Variants in TNIK observed in about 807,000 individuals in gnomAD.
TNIK encodes the protein TRAF2 and NCK-interacting protein kinase.
In TNIK, 49 loss-of-function variants were observed where a neutral mutation model predicts 191.3. The ratio of observed to expected loss-of-function variants is 0.26; its 90% CI spans 0.20 to 0.32. TNIK has a LOEUF of 0.32. Ranked by LOEUF, TNIK falls within the 10% of genes least tolerant of loss-of-function variation. The probability of loss-of-function intolerance (pLI) is 1.00; values close to 1 mark genes in which losing one functional copy is unlikely to be tolerated. For missense variants in TNIK, 1,155 were observed against 1,702.3 expected (o/e 0.68, Z 5.66); for synonymous variants, 594 against 600.9 (o/e 0.99, Z 0.17).
intron 25 of TNIK, among the ~76,000 whole-genome samples, chr3:171,084,754 A>G (rs1302312237): frequency 6.6e-6 from 1 of 152,206 alleles, no homozygotes; most frequent in Non-Finnish European, 1.5e-5. Flanking sequence ...GCACACACCT[A>G]GAACTCAACA....
intron 27 of TNIK, among the ~76,000 whole-genome samples, chr3:171,080,888 C>T (rs371698868): frequency 8.5e-4 from 130 of 152,258 alleles, no homozygotes; most frequent in African/African-American, 3.0e-3. Flanking sequence ...AGGATGGACA[C>T]GAGAGCCAGT....
intron 1 of TNIK, among the ~76,000 whole-genome samples, chr3:171,388,817 T>C (rs1719072680): frequency 6.6e-6 from 1 of 152,238 alleles, no homozygotes; most frequent in South Asian, 2.1e-4. Context: ...ACTATAGCAC[T>C]TGCCATGTAT....
chr3:171,196,925 T>TG, intron 4 of TNIK, among the ~76,000 whole-genome samples: 1 of 151,980 alleles, frequency 6.6e-6, no homozygotes, highest in South Asian at 2.1e-4. Flanking sequence ...CGGCTAATTT[T>TG]TTTGTATTTT....
At chr3:171,333,104 G>T (rs556996474) in intron 2 of TNIK, among the ~76,000 whole-genome samples, 30 of 152,170 alleles carry the variant, frequency 2.0e-4, no homozygotes, top group African/African-American at 6.7e-4. Flanking sequence ...GATGGCCTTC[G>T]AACTATATTC....
chr3:171,380,029 GCACA>G (rs35890103), intron 1 of TNIK, among the ~76,000 whole-genome samples: 2,134 of 117,164 alleles, frequency 0.018, 46 homozygotes, highest in African/African-American at 0.061. Context: ...ACACACACGC[GCACA>G]CACACACACA....
chr3:171,073,334 A>G (rs1719448386), intron 28 of TNIK, among the ~76,000 whole-genome samples: 1 of 152,214 alleles, frequency 6.6e-6, no homozygotes, highest in Non-Finnish European at 1.5e-5. Flanking sequence ...AGCCATATGC[A>G]GAAGAATGAA....
chr3:171,073,819 A>G (rs373814110), intron 28 of TNIK, among the ~76,000 whole-genome samples: 24 of 151,450 alleles, frequency 1.6e-4, no homozygotes, highest in African/African-American at 5.6e-4. Context: ...ATCTCACACC[A>G]GTCAGAATGG....
intron 1 of TNIK, among the ~76,000 whole-genome samples, chr3:171,372,498 C>G (rs892696111): frequency 6.6e-6 from 1 of 152,180 alleles, no homozygotes; most frequent in Non-Finnish European, 1.5e-5. Context: ...AAAGGAAGAG[C>G]TGAACTGAAA....
At chr3:171,247,663 G>A (rs1280365571) in intron 2 of TNIK, among the ~76,000 whole-genome samples, 5 of 152,116 alleles carry the variant, frequency 3.3e-5, no homozygotes, top group African/African-American at 1.2e-4. Context: ...CAACCAGCGG[G>A]TGGGAAAAAA....
At chr3:171,284,911 A>G (rs1750855052) in intron 2 of TNIK, among the ~76,000 whole-genome samples, 1 of 152,228 alleles carries the variant, frequency 6.6e-6, no homozygotes, top group African/African-American at 2.4e-5. Flanking sequence ...GCGCTGACTA[A>G]AAGACAGAAA....
intron 2 of TNIK, among the ~76,000 whole-genome samples, chr3:171,334,452 CCAT>C (rs1378772959): frequency 6.6e-6 from 1 of 152,080 alleles, no homozygotes; most frequent in Non-Finnish European, 1.5e-5. Context: ...GGACTGGTGG[CCAT>C]CAGAGACCTG....
At chr3:171,290,627 A>G (rs1025448809) in intron 2 of TNIK, among the ~76,000 whole-genome samples, 5 of 152,200 alleles carry the variant, frequency 3.3e-5, no homozygotes, top group African/African-American at 1.2e-4. Context: ...TCCCACAGTC[A>G]TCTTTGTAAT....
At chr3:171,414,523 T>C (rs980426615) in intron 1 of TNIK, among the ~76,000 whole-genome samples, 3 of 152,202 alleles carry the variant, frequency 2.0e-5, no homozygotes, top group Admixed American at 2.0e-4. Flanking sequence ...ACATCCTTCA[T>C]CGCATGCTTC....
chr3:171,218,444 A>G (rs1006884361), intron 3 of TNIK, among the ~76,000 whole-genome samples: 4 of 152,148 alleles, frequency 2.6e-5, no homozygotes, highest in Non-Finnish European at 4.4e-5. Flanking sequence ...CATGTGGCTA[A>G]AGTCTACCAT....
intron 2 of TNIK, among the ~76,000 whole-genome samples, chr3:171,349,917 T>C (rs1228493980): frequency 6.6e-6 from 1 of 152,208 alleles, no homozygotes; most frequent in African/African-American, 2.4e-5. Context: ...AATGAACTTA[T>C]CTACTCCCAA....
intron 3 of TNIK, among the ~76,000 whole-genome samples, chr3:171,220,721 G>A (rs533579495): frequency 9.2e-5 from 14 of 152,218 alleles, no homozygotes; most frequent in African/African-American, 3.4e-4. Context: ...AGGGGGCTAA[G>A]GGAATTAATT....
chr3:171,114,858 A>C (rs775979905), intron 18 of TNIK, among the ~76,000 whole-genome samples: 45 of 152,240 alleles, frequency 3.0e-4, no homozygotes, highest in Non-Finnish European at 3.8e-4. Flanking sequence ...AATACCCTTC[A>C]TTTAGAAAAT....
chr3:171,179,320 A>T lies in TNIK; in HGVS notation c.640-1940T>A, dbSNP rs1170990959. Among the ~76,000 whole-genome samples, 4 of 152,208 alleles carry T rather than the reference A, an allele frequency of 2.6e-5. No individual in the cohort carries two copies. The East Asian group carries it at 7.7e-4, about 29-fold the overall frequency. On this transcript the variant is annotated intron_variant, in intron 7 of 32. Transcript: ENST00000436636. Reference sequence around the variant, plus strand: ...GGCCTAGCAAGTGACTGAGTCTCCCAGAGGCTCTTGGCCTCGCTTAGTGAG... The same window carrying T: ...GGCCTAGCAAGTGACTGAGTCTCCCTGAGGCTCTTGGCCTCGCTTAGTGAG...
At chr3:171,255,206 G>GA (rs1746700448) in intron 2 of TNIK, among the ~76,000 whole-genome samples, 3 of 152,100 alleles carry the variant, frequency 2.0e-5, no homozygotes, top group Non-Finnish European at 4.4e-5. Context: ...AGAAACATCT[G>GA]GCCAACAAAA....
Sources: allele counts gnomAD v4.1 joint callset (sites outside exome capture counted in the v4.1 genomes callset), GRCh38; gene constraint gnomAD v4.1.1; transcripts MANE v1.5; gene names NCBI Gene and HGNC (gene_info 2026-07-23, HGNC 2026-07-21).